ADAMTS17: variants seen among roughly 807,000 people sequenced by gnomAD.
The protein encoded by ADAMTS17 is ADAM metallopeptidase with thrombospondin type 1 motif 17, also known as A disintegrin and metalloproteinase with thrombospondin motifs 17.
ADAMTS17 carries 113 observed loss-of-function variants against 141.5 expected under a neutral mutation model. That is an observed-to-expected ratio of 0.80 (90% confidence interval 0.69 to 0.93). The LOEUF is 0.93. Among genes scored for constraint, ADAMTS17 ranks in the 40% least tolerant of loss-of-function variants. ADAMTS17 has a pLI of 0.00. For missense variants in ADAMTS17, 1,659 were observed against 1,517.9 expected (o/e 1.09, Z -1.54); for synonymous variants, 768 against 630.6 (o/e 1.22, Z -3.27).
intron 6 of ADAMTS17, among the ~76,000 whole-genome samples, chr15:100,255,586 C>A (rs955281768): frequency 1.9e-5 from 2 of 107,112 alleles, no homozygotes; most frequent in Non-Finnish European, 4.0e-5. Flanking sequence ...GCCCAACATT[C>A]AGCACCCTTC....
intron 12 of ADAMTS17, among the ~76,000 whole-genome samples, chr15:100,129,945 C>T (rs774117501): frequency 2.6e-5 from 4 of 152,310 alleles, no homozygotes; most frequent in Non-Finnish European, 5.9e-5. Flanking sequence ...CCTTTCTTCA[C>T]GAGGCCAGAG....
At chr15:99,977,072 ATGACTGGGGT>A (rs1424050761) in intron 20 of ADAMTS17, among the ~76,000 whole-genome samples, 1 of 152,004 alleles carries the variant, frequency 6.6e-6, no homozygotes, top group Non-Finnish European at 1.5e-5. Flanking sequence ...GAGCCCAGTA[ATGACTGGGGT>A]TGAATTTCCC....
chr15:100,222,213 C>G (rs948183917), intron 7 of ADAMTS17, among the ~76,000 whole-genome samples: 2 of 152,110 alleles, frequency 1.3e-5, no homozygotes, highest in Non-Finnish European at 2.9e-5. Context: ...AAATAGATCC[C>G]AGAAAGGAAG....
chr15:100,030,588 C>T (rs2030051110), intron 18 of ADAMTS17, among the ~76,000 whole-genome samples: 2 of 152,144 alleles, frequency 1.3e-5, no homozygotes, highest in Admixed American at 6.5e-5. Flanking sequence ...CTCCCATGAT[C>T]CTTTTTCCTT....
In ADAMTS17 at chr15:100,132,028, T is replaced by C. The variant is rs753250535; in HGVS notation, c.1700A>G (p.Gln567Arg). Reference protein sequence around the residue: ...RTCGTGARFRQRKCDNPPPGP... With the variant: ...RTCGTGARFRRRKCDNPPPGP... ...TTACGGGGGGTTGTCACATTTCCTC[T>C]GCCTGAAGCGGGCTCCCGTCCCACA... The change falls in exon 12 of 22, where the codon CAG (glutamine) becomes CGG (arginine). Residue 567 changes from glutamine to arginine, a missense_variant. By Grantham distance (43) the Gln-to-Arg change is conservative (BLOSUM62 1). Coordinates refer to ENST00000268070, the MANE Select transcript of ADAMTS17 (RefSeq NM_139057.4). 1.9e-6 allele frequency: 3 copies of C among 1,614,200 alleles called. No homozygotes were observed. The highest frequency in any genetic ancestry group is 2.5e-6 in the Non-Finnish European group (3 of 1,180,038).
At chr15:100,218,286 C>T (rs2042029330) in intron 7 of ADAMTS17, among the ~76,000 whole-genome samples, 1 of 152,212 alleles carries the variant, frequency 6.6e-6, no homozygotes, top group African/African-American at 2.4e-5. Flanking sequence ...CTGAAACATA[C>T]TGCACCCCAT....
chr15:99,983,611 T>C (rs1440366262), intron 20 of ADAMTS17, among the ~76,000 whole-genome samples: 1 of 152,038 alleles, frequency 6.6e-6, no homozygotes, highest in Non-Finnish European at 1.5e-5. Context: ...ACTCCAGGAA[T>C]GTCAACTATA....
intron 15 of ADAMTS17, among the ~76,000 whole-genome samples, chr15:100,093,282 A>T (rs1017301994): frequency 2.6e-5 from 4 of 152,112 alleles, no homozygotes; most frequent in African/African-American, 7.2e-5. Flanking sequence ...CAGCTCAGGA[A>T]CTTTGGTAAG....
chr15:100,101,650 G>A (rs1438175764), intron 14 of ADAMTS17, among the ~76,000 whole-genome samples: 3 of 152,186 alleles, frequency 2.0e-5, no homozygotes, highest in Admixed American at 1.3e-4. Flanking sequence ...CACAGTGGCT[G>A]GTGTGGTATT....
intron 15 of ADAMTS17, among the ~76,000 whole-genome samples, chr15:100,065,483 T>G (rs1002487878): frequency 6.6e-6 from 1 of 152,226 alleles, no homozygotes; most frequent in Non-Finnish European, 1.5e-5. Context: ...CTACATCTGC[T>G]AATATGACAG....
intron 8 of ADAMTS17, among the ~76,000 whole-genome samples, chr15:100,192,891 G>C (rs2040971006): frequency 6.7e-6 from 1 of 149,566 alleles, no homozygotes; most frequent in South Asian, 2.1e-4. Context: ...CACTCCCCCA[G>C]ACATGTGTCC....
At chr15:100,330,389 C>A (rs962952454) in intron 3 of ADAMTS17, among the ~76,000 whole-genome samples, 1 of 152,208 alleles carries the variant, frequency 6.6e-6, no homozygotes, top group Admixed American at 6.5e-5. Flanking sequence ...TGATTCACAG[C>A]TCTGGCCTGA....
chr15:100,302,369 C>T lies in ADAMTS17; in HGVS notation c.617-20968G>A, dbSNP rs140547935. Among the ~76,000 whole-genome samples, 277 of 152,248 alleles carry T rather than the reference C, an allele frequency of 1.8e-3. 1 individual carries two copies. The highest frequency in any genetic ancestry group is 6.4e-3 in the African/African-American group (264 of 41,546). ...CTATTATCAACAATGCTGCTATGGA[C>T]GTTCTTACTCAAGTTTCTGTGTGGA... is the stretch of plus-strand genomic sequence containing the variant. On this transcript the variant is annotated intron_variant, in intron 3 of 21. Coordinates refer to ENST00000268070, the MANE Select transcript of ADAMTS17 (RefSeq NM_139057.4).
chr15:100,057,552 G>A (rs1157398536), intron 15 of ADAMTS17, among the ~76,000 whole-genome samples: 1 of 152,066 alleles, frequency 6.6e-6, no homozygotes, highest in East Asian at 1.9e-4. Flanking sequence ...TCCCTGGTTT[G>A]TTGCTTCTGT....
At chr15:100,099,016 G>T (rs1269461735) in intron 14 of ADAMTS17, among the ~76,000 whole-genome samples, 2 of 152,164 alleles carry the variant, frequency 1.3e-5, no homozygotes, top group African/African-American at 4.8e-5. Context: ...TTCAGGCCTG[G>T]TTCCTTGTCC....
Position 100,131,919 on chromosome 15 carries a change from C to G in ADAMTS17, c.1721+88G>C. 3.1e-6 allele frequency: 5 copies of G among 1,596,108 alleles called. No homozygotes were observed. The South Asian group carries it at 5.5e-5, about 18-fold the overall frequency. On this transcript the variant is annotated intron_variant, in intron 12 of 21. Coordinates refer to ENST00000268070, the MANE Select transcript of ADAMTS17 (RefSeq NM_139057.4). ...ATATCTTCTAATGCTCAGCGGGAGA[C>G]AGACCCTGCTTTGTGTGAGGCAGCG...
At chr15:100,040,267 C>G (rs772497395) in intron 18 of ADAMTS17, among the ~76,000 whole-genome samples, 2 of 152,212 alleles carry the variant, frequency 1.3e-5, no homozygotes, top group Non-Finnish European at 2.9e-5. Flanking sequence ...GCTAGGAACC[C>G]TTCCACTGTT....
intron 4 of ADAMTS17, among the ~76,000 whole-genome samples, chr15:100,263,337 G>T (rs1449987965): frequency 2.6e-5 from 4 of 152,140 alleles, no homozygotes; most frequent in African/African-American, 9.7e-5. Flanking sequence ...CAGTCACAAT[G>T]GCTTGATTCA....
chr15:100,056,834 C>T (rs931812279), intron 15 of ADAMTS17, among the ~76,000 whole-genome samples: 1 of 152,148 alleles, frequency 6.6e-6, no homozygotes, highest in African/African-American at 2.4e-5. Context: ...AGACACAGCT[C>T]TTGCTCCCAG....
Sources: gnomAD v4.1 joint callset for allele counts (sites outside exome capture counted in the v4.1 genomes callset) on GRCh38, gnomAD v4.1.1 for gene constraint, MANE v1.5 for transcripts, NCBI Gene and HGNC (gene_info 2026-07-23, HGNC 2026-07-21) for gene names.